Variants in TBC1D16 observed in about 807,000 individuals in gnomAD.
TBC1D16 encodes the protein TBC1 domain family member 16, also known as CTD-2529O21.1.
Under a neutral mutation model 74.7 loss-of-function variants are expected in TBC1D16, and 58 were observed. That is an observed-to-expected ratio of 0.78 (90% CI 0.63 to 0.97). The LOEUF (loss-of-function observed/expected upper bound fraction) is 0.97, where lower values mean the gene tolerates loss of function less well. Ranked by LOEUF, TBC1D16 falls within the 50% of genes least tolerant of loss-of-function variation. The probability of loss-of-function intolerance (pLI) is 0.00; values close to 1 mark genes in which losing one functional copy is unlikely to be tolerated. For missense variants in TBC1D16, 1,014 were observed against 1,079.5 expected, an observed-to-expected ratio of 0.94 and a Z score of 0.85; for synonymous variants, 493 against 474.7, an observed-to-expected ratio of 1.04 and a Z score of -0.50.
chr17:79,972,402 C>T (rs2034149727), intron 3 of TBC1D16, among the ~76,000 whole-genome samples: 1 of 152,156 alleles, frequency 6.6e-6, no homozygotes, highest in Non-Finnish European at 1.5e-5. Context: ...GTCTCGAACT[C>T]CTGACCTCGT....
chr17:79,948,958 C>G lies in TBC1D16; in HGVS notation c.1455G>C (p.Gln485His). The change falls in exon 8 of 12, where the codon CAG (glutamine) becomes CAC (histidine). Residue 485 changes from glutamine (Q) to histidine (H), a missense_variant. By Grantham distance (24) the Gln-to-His change is conservative. Transcript: ENST00000310924. ...GGACCACGTCTTTGTCCACAGTGAA[C>G]TGCACATTACGCCAGAACGCTCTGT... ...EEHRAFWRNV[Q>H]FTVDKDVVRT... The G allele has an allele frequency of 1.2e-6, 2 of 1,614,188 alleles. No homozygotes were observed. The highest frequency in any genetic ancestry group is 1.7e-6 in the Non-Finnish European group (2 of 1,180,040).
At chr17:79,991,039 G>C (rs1344401769) in intron 3 of TBC1D16, among the ~76,000 whole-genome samples, 1 of 152,252 alleles carries the variant, frequency 6.6e-6, no homozygotes, top group African/African-American at 2.4e-5. Context: ...TGTGGACGGT[G>C]CTGCTATGGG....
Position 79,994,029 on chromosome 17 carries a change from A to G in TBC1D16, c.779+16131T>C, listed in dbSNP as rs1195735322. 6.6e-6 allele frequency among the ~76,000 whole-genome samples: 1 copy of G among 152,108 alleles called. No individual in the cohort carries two copies. Among genetic ancestry groups the G allele is most frequent in the Non-Finnish European group, 1.5e-5 (1 of 68,002 alleles). On this transcript the variant is annotated intron_variant, in intron 3 of 11. Coordinates refer to ENST00000310924, the MANE Select transcript of TBC1D16 (RefSeq NM_019020.4). The surrounding 1 kb of genome is among the most constrained non-coding windows in gnomAD (Gnocchi z 4.6). ...ATGCAGGGAGCGCCCATCCCTGGGG[A>G]GCACTGCCTCTCCAGGAGCCTGAAC...
At chr17:80,005,421 G>A (rs1223795201) in intron 3 of TBC1D16, among the ~76,000 whole-genome samples, 4 of 152,180 alleles carry the variant, frequency 2.6e-5, no homozygotes, top group African/African-American at 7.2e-5. Context: ...TAGGCTGGAC[G>A]GTAGCTTCCA....
chr17:79,967,760 C>A lies in TBC1D16; in HGVS notation c.780-14942G>T, dbSNP rs147196847. 3.3e-3 allele frequency among the ~76,000 whole-genome samples: 505 copies of A among 152,132 alleles called. 1 individual carries two copies. Among genetic ancestry groups the A allele is most frequent in the African/African-American group, 0.012 (481 of 41,490 alleles). On this transcript the variant is annotated intron_variant, in intron 3 of 11. Transcript: ENST00000310924. ...TGACAGGTTGACCCTAAAATTCATA[C>A]GGAAATACAGAGGACCCAGAATAGC...
At chr17:80,004,964 G>A (rs759403468) in intron 3 of TBC1D16, among the ~76,000 whole-genome samples, 4 of 152,232 alleles carry the variant, frequency 2.6e-5, no homozygotes, top group African/African-American at 4.8e-5. Context: ...CTTAAGCCAC[G>A]TGCCGGCCAC....
chr17:80,011,381 T>G (rs138524083), intron 2 of TBC1D16, among the ~76,000 whole-genome samples: 2,411 of 152,186 alleles, frequency 0.016, 44 homozygotes, highest in South Asian at 0.081. Flanking sequence ...CCAGGGGCTC[T>G]CCCTGTGTTC....
intron 3 of TBC1D16, among the ~76,000 whole-genome samples, chr17:79,984,481 C>G (rs1359578279): frequency 2.0e-5 from 3 of 151,822 alleles, no homozygotes; most frequent in Non-Finnish European, 4.4e-5. Flanking sequence ...GGTGGGGCTT[C>G]ACACCCTTCT....
intron 3 of TBC1D16, among the ~76,000 whole-genome samples, chr17:80,004,809 G>T (rs1416235922): frequency 6.6e-6 from 1 of 152,114 alleles, no homozygotes; most frequent in Non-Finnish European, 1.5e-5. Context: ...CAAGTAGCTG[G>T]GATTACAGGC....
rs2034681711 is a variant in TBC1D16 at position 79,983,546 on chromosome 17, T to C, written c.779+26614A>G. On this transcript the variant is annotated intron_variant, in intron 3 of 11. Coordinates refer to ENST00000310924, the MANE Select transcript of TBC1D16 (RefSeq NM_019020.4). The surrounding 1 kb of genome is among the most constrained non-coding windows in gnomAD (Gnocchi z 5.6). The stretch of plus-strand genomic sequence containing the variant: ...CCGCAGCACCTCAGGCACGGGGAGC[T>C]GAGCCACCGACGGCTACAAAGACGG... Among the ~76,000 whole-genome samples, 1 of 152,208 alleles carries C rather than the reference T, an allele frequency of 6.6e-6. No homozygotes were observed. Among genetic ancestry groups the C allele is most frequent in the Admixed American group, 6.5e-5 (1 of 15,280 alleles).
At chr17:80,033,515 G>A (rs1020116505) in intron 1 of TBC1D16, among the ~76,000 whole-genome samples, 4 of 152,094 alleles carry the variant, frequency 2.6e-5, no homozygotes, top group Admixed American at 1.3e-4. Context: ...TGGGACCATA[G>A]GTGCCCACCA....
At position 79,944,145 on chromosome 17, in the gene TBC1D16, T is replaced by C. The variant is rs945163954; in HGVS notation, c.1908+763A>G. 2.0e-6 allele frequency: 3 copies of C among 1,535,688 alleles called. No homozygotes were observed. The highest frequency in any genetic ancestry group is 1.2e-5 in the South Asian group (1 of 84,052). ...TGAGGACAGGAGACGCTGACGCAAATGTCTTCCAGCAGATGGGTGTTTGCC... is the reference window on the plus strand; with the variant it reads ...TGAGGACAGGAGACGCTGACGCAAACGTCTTCCAGCAGATGGGTGTTTGCC... On this transcript the variant is annotated intron_variant, in intron 10 of 11. Transcript: ENST00000310924. The surrounding 1 kb of genome is among the most constrained non-coding windows in gnomAD (Gnocchi z 7.7).
At chr17:79,972,253 T>G (rs1311786282) in intron 3 of TBC1D16, among the ~76,000 whole-genome samples, 1 of 152,210 alleles carries the variant, frequency 6.6e-6, no homozygotes, top group Non-Finnish European at 1.5e-5. Context: ...CTTGGCTCAC[T>G]GCAACCTCCG....
rs200688554 is a variant in TBC1D16 at position 79,949,710 on chromosome 17, C to T, written c.1406+7G>A. 1.9e-6 allele frequency: 3 copies of T among 1,603,982 alleles called. No homozygotes were observed. In the African/African-American group the frequency reaches 4.0e-5, roughly 21 times the overall value. ...GCGGGGTGGGCCGGGCTGGCCCCGG[C>T]GGTTACCTTTTCTGCTGGATCTCAG... is the stretch of plus-strand genomic sequence containing the variant. On this transcript the variant is annotated splice_region_variant and intron_variant, in intron 7 of 11. Transcript: ENST00000310924.
chr17:79,995,058 G>C (rs1265040725), intron 3 of TBC1D16, among the ~76,000 whole-genome samples: 1 of 152,034 alleles, frequency 6.6e-6, no homozygotes, highest in Non-Finnish European at 1.5e-5. Flanking sequence ...CCAGCACATT[G>C]GGAGGCCAAG....
intron 3 of TBC1D16, among the ~76,000 whole-genome samples, chr17:79,976,610 G>C (rs2034342001): frequency 6.6e-6 from 1 of 152,186 alleles, no homozygotes; most frequent in Non-Finnish European, 1.5e-5. Flanking sequence ...TGAATGTCCA[G>C]AGATCCAAAC....
At chr17:80,022,106 T>C (rs2036307530) in intron 1 of TBC1D16, among the ~76,000 whole-genome samples, 1 of 149,806 alleles carries the variant, frequency 6.7e-6, no homozygotes, top group Non-Finnish European at 1.5e-5. Context: ...CGTTAAACAT[T>C]GGTCTATATT....
chr17:79,941,856 C>T lies in TBC1D16; in HGVS notation c.2055+204G>A, dbSNP rs572192428. On this transcript the variant is annotated intron_variant, in intron 11 of 11. Coordinates refer to ENST00000310924, the MANE Select transcript of TBC1D16 (RefSeq NM_019020.4). The surrounding 1 kb of genome is among the most constrained non-coding windows in gnomAD (Gnocchi z 4.3). ...GGAAAGTGAGGTGACACAGCCAGGC[C>T]GAGACAGGTGCTGACCACGAGGCCT... Among the ~76,000 whole-genome samples, 62 of 151,358 alleles carry T rather than the reference C, an allele frequency of 4.1e-4. No individual in the cohort carries two copies. The South Asian group carries it at 6.5e-3, about 16-fold the overall frequency.
rs10528420 is a variant in TBC1D16, at chr17:79,984,704, CAAA to C, written c.779+25453_779+25455del. ...TCCAAAACATGGAAAACAGTAAAGGCAAAAAAAAAAAAAACAGTTAAAAAGAGC... is the reference window on the plus strand; with the variant it reads ...TCCAAAACATGGAAAACAGTAAAGGCAAAAAAAAAAACAGTTAAAAAGAGC... On this transcript the variant is annotated intron_variant, in intron 3 of 11. Coordinates refer to ENST00000310924, the MANE Select transcript of TBC1D16 (RefSeq NM_019020.4). 1.2e-4 allele frequency among the ~76,000 whole-genome samples: 13 copies of C among 106,258 alleles called. No individual in the cohort carries two copies. The East Asian group carries it at 2.8e-3, about 23-fold the overall frequency. 69.7% of individuals were successfully genotyped at this position (106,258 alleles called of 152,430 possible).
Sources: gnomAD v4.1 joint callset for allele counts (sites outside exome capture counted in the v4.1 genomes callset) on GRCh38, gnomAD v4.1.1 for gene constraint, Gnocchi (gnomAD v3.1) non-coding constraint, MANE v1.5 for transcripts, NCBI Gene and HGNC (gene_info 2026-07-23, HGNC 2026-07-21) for gene names.